TBC1D7: variants seen among roughly 807,000 people sequenced by gnomAD.
TBC1D7 encodes TBC domain family 7.
A neutral mutation model predicts 35.3 loss-of-function variants in TBC1D7; 33 were observed. The observed-to-expected ratio is 0.93, with a 90% CI of 0.71 to 1.25. TBC1D7 has a LOEUF of 1.25. TBC1D7 is among the 50% of genes most tolerant of loss of function. The pLI is 0.00. For synonymous variants in TBC1D7, 135 were observed against 129.5 expected (o/e 1.04, Z -0.29); for missense variants, 362 against 365.3 (o/e 0.99, Z 0.07).
At chr6:13,306,202 T>C (rs984951963) in intron 7 of TBC1D7, 196 bp downstream of exon 7, 1 of 416,514 alleles carries the variant, frequency 2.4e-6, no homozygotes, top group African/African-American at 2.2e-5. Context: ...AGATTCAAAA[T>C]CAAATCAAAT....
rs905197350 is a variant in TBC1D7, at chr6:13,326,912, A to T, written c.-8-6T>A. On this transcript the variant is annotated splice_region_variant and splice_polypyrimidine_tract_variant and intron_variant, in intron 1 of 7. Coordinates refer to ENST00000379300, the MANE Select transcript of TBC1D7 (RefSeq NM_016495.6). ...GTCCTCAGTCATATTTCATTCTTGG[A>T]GGAGACACAGAAAGACAGAAAGGGA... 2 of 1,519,270 alleles carry T rather than the reference A, an allele frequency of 1.3e-6. No individual in the cohort carries two copies. The highest frequency in any genetic ancestry group is 2.8e-5 in the African/African-American group (2 of 72,334). The allele number at this position is 1,519,270 out of a possible 1,614,324, so 94.1% of individuals were successfully genotyped here.
intron 6 of TBC1D7, 103 bp from the exon 7 acceptor site, chr6:13,306,630 G>A (rs1782827453): frequency 6.2e-6 from 6 of 971,532 alleles, no homozygotes; most frequent in Non-Finnish European, 8.7e-6. Context: ...CCAATTTTAT[G>A]TAAAAGCTTC....
At chr6:13,313,698 C>A (rs1369191863) in intron 5 of TBC1D7, among the ~76,000 whole-genome samples, 1 of 152,110 alleles carries the variant, frequency 6.6e-6, no homozygotes, top group Non-Finnish European at 1.5e-5. Context: ...GAGTGCCTTT[C>A]AACCCTTAAC....
chr6:13,319,139 G>A (rs1480286133), intron 4 of TBC1D7: 1 of 152,184 alleles, frequency 6.6e-6, no homozygotes, highest in Non-Finnish European at 1.5e-5. Context: ...CTTCAAAAGT[G>A]TCAAGGTCAT....
At chr6:13,322,968 A>C (rs1199437464) in intron 3 of TBC1D7, among the ~76,000 whole-genome samples, 1 of 152,144 alleles carries the variant, frequency 6.6e-6, no homozygotes, top group Non-Finnish European at 1.5e-5. Context: ...AGTAATCAAA[A>C]CTCTGTGCTG....
intron 5 of TBC1D7, among the ~76,000 whole-genome samples, chr6:13,313,367 A>G (rs778964329): frequency 2.0e-5 from 3 of 152,254 alleles, no homozygotes; most frequent in Non-Finnish European, 2.9e-5. Context: ...AGACATTGAT[A>G]CTATCAAGTA....
chr6:13,306,591 C>T, intron 6 of TBC1D7, 64 bp from the exon 7 acceptor site: 1 of 1,280,566 alleles, frequency 7.8e-7, no homozygotes, highest in Non-Finnish European at 1.0e-6. Context: ...GCCTAGACAT[C>T]TCAAATTACA....
intron 3 of TBC1D7, 52 bp downstream of exon 3, chr6:13,325,042 C>A (rs2127543576): frequency 1.5e-6 from 2 of 1,322,360 alleles, no homozygotes; most frequent in Non-Finnish European, 2.1e-6. Flanking sequence ...AGCAAATGAT[C>A]CCTTCATTCA....
At chr6:13,319,744 A>G (rs1783894933) in intron 4 of TBC1D7, 1 of 152,212 alleles carries the variant, frequency 6.6e-6, no homozygotes, top group South Asian at 2.1e-4. Context: ...TACATCCAAC[A>G]TTATTTAAAA....
intron 1 of TBC1D7, 130 bp from the exon 2 acceptor site, chr6:13,327,036 G>A (rs1784448083): frequency 9.3e-6 from 5 of 540,088 alleles, no homozygotes; most frequent in Non-Finnish European, 1.6e-5. Flanking sequence ...ATGTACCCTT[G>A]CATAGGACCC....
intron 5 of TBC1D7, among the ~76,000 whole-genome samples, chr6:13,314,383 A>C (rs1235272915): frequency 6.6e-6 from 1 of 152,190 alleles, no homozygotes; most frequent in Non-Finnish European, 1.5e-5. Flanking sequence ...GAATTGCTGA[A>C]TTTCTTTTGA....
At chr6:13,321,368 T>C (rs534121515) in intron 3 of TBC1D7, among the ~76,000 whole-genome samples, 3 of 152,358 alleles carry the variant, frequency 2.0e-5, no homozygotes, top group Non-Finnish European at 2.9e-5. Flanking sequence ...GTATGCCGCA[T>C]ACATTCAAGA....
Position 13,307,591 on chromosome 6 carries a change from C to CATA in TBC1D7, c.665+8_665+9insTAT. 6.2e-7 allele frequency: 1 copy of CATA among 1,613,964 alleles called. No individual in the cohort carries two copies. The highest frequency in any genetic ancestry group is 8.5e-7 in the Non-Finnish European group (1 of 1,179,946). On this transcript the variant is annotated intron_variant, in intron 6 of 7. Transcript: ENST00000379300. The stretch of plus-strand genomic sequence containing the variant: ...AAGCCTTCAATATGTCTTCGAAAGA[C>CATA]CTACTTGCCTCTGTAAACTGGATTC...
In TBC1D7 at chr6:13,306,463, A is replaced by G; in HGVS notation, c.730T>C (p.Leu244=). 6.2e-7 allele frequency: 1 copy of G among 1,610,006 alleles called. No homozygotes were observed. The highest frequency in any genetic ancestry group is 8.5e-7 in the Non-Finnish European group (1 of 1,178,258). The change falls in exon 7 of 8, where the codon TTA becomes CTA. Residue 244 remains leucine, a synonymous_variant. Transcript: ENST00000379300. The part of the protein sequence containing the change: ...ILVFVAVEIL[L]TFKIKVMALN... ...GCCATAACTTTTATTTTAAAGGTTA[A>G]TAAAATTTCGACAGCTACAAAAACT...
chr6:13,315,412 C>A (rs1783532454), intron 5 of TBC1D7, among the ~76,000 whole-genome samples: 1 of 152,186 alleles, frequency 6.6e-6, no homozygotes, highest in African/African-American at 2.4e-5. Context: ...ATACTGAATA[C>A]ACATATAACA....
intron 6 of TBC1D7, 117 bp downstream of exon 6, chr6:13,307,483 G>C: frequency 1.0e-6 from 1 of 993,622 alleles, no homozygotes; most frequent in Non-Finnish European, 1.5e-6. Context: ...GGAGGACTGA[G>C]CTTCAAATTA....
intron 4 of TBC1D7, chr6:13,319,820 G>A (rs1467503694): frequency 6.6e-6 from 1 of 152,120 alleles, no homozygotes; most frequent in African/African-American, 2.4e-5. Flanking sequence ...AGTTTAATAA[G>A]GAATAGGATG....
At chr6:13,316,479 T>A in intron 5 of TBC1D7, 92 bp downstream of exon 5, 1 of 1,344,298 alleles carries the variant, frequency 7.4e-7, no homozygotes, top group Non-Finnish European at 1.0e-6. Flanking sequence ...TTATTCAGAA[T>A]TGCAGCAGCC....
intron 5 of TBC1D7, among the ~76,000 whole-genome samples, chr6:13,311,515 T>C (rs1783210733): frequency 6.6e-6 from 1 of 152,210 alleles, no homozygotes; most frequent in South Asian, 2.1e-4. Flanking sequence ...AGACTAAAGA[T>C]GGTTTCACTA....
Sources: allele counts gnomAD v4.1 joint callset (sites outside exome capture counted in the v4.1 genomes callset), GRCh38; gene constraint gnomAD v4.1.1; transcripts MANE v1.5; gene names NCBI Gene and HGNC (gene_info 2026-07-23, HGNC 2026-07-21).